Variants in HPSE2 observed in about 807,000 individuals in gnomAD.
HPSE2 encodes the protein heparanase 2 (inactive), also known as inactive heparanase-2.
A neutral mutation model predicts 60.5 loss-of-function variants in HPSE2; 38 were observed. The ratio of observed to expected loss-of-function variants is 0.63; its 90% confidence interval spans 0.48 to 0.82. HPSE2 has a LOEUF of 0.82. HPSE2 is among the 40% of genes least tolerant of loss of function. HPSE2 has a pLI of 0.00. For missense variants in HPSE2, 713 were observed against 740.4 expected (o/e 0.96, Z 0.43); for synonymous variants, 295 against 293.2 (o/e 1.01, Z -0.06).
intron 9 of HPSE2, among the ~76,000 whole-genome samples, chr10:98,568,580 A>T (rs562259): frequency 2.0e-5 from 3 of 152,224 alleles, no homozygotes; most frequent in Admixed American, 6.5e-5. Context: ...GGGCTTCTGG[A>T]AGAAGTGTGG....
Position 98,458,991 on chromosome 10 carries a change from A to C in HPSE2, c.*583T>G. ...GGAACCCAGATGCGCACGCTCATACATCAGCCGGGAAATCATACAAACAGC... is the reference window on the plus strand; with the variant it reads ...GGAACCCAGATGCGCACGCTCATACCTCAGCCGGGAAATCATACAAACAGC... On this transcript the variant is annotated 3_prime_UTR_variant, in exon 12 of 12. Coordinates refer to ENST00000370552, the MANE Select transcript of HPSE2 (RefSeq NM_021828.5). 5.9e-6 allele frequency: 1 copy of C among 169,164 alleles called. No individual in the cohort carries two copies. The highest frequency in any genetic ancestry group is 1.5e-4 in the East Asian group (1 of 6,530). The allele number at this position is 169,164 out of a possible 1,614,324, so 10.5% of individuals were successfully genotyped here.
At chr10:98,522,760 G>A (rs976286916) in intron 9 of HPSE2, among the ~76,000 whole-genome samples, 4 of 152,242 alleles carry the variant, frequency 2.6e-5, no homozygotes, top group Admixed American at 6.5e-5. Flanking sequence ...TTACAGGCGT[G>A]AGCCACCGTG....
intron 3 of HPSE2, among the ~76,000 whole-genome samples, chr10:99,047,063 T>A (rs1323823198): frequency 6.6e-6 from 1 of 152,100 alleles, no homozygotes. Flanking sequence ...CTACCCAACT[T>A]CAAATGATAT....
At chr10:99,282,791 GAA>G in the HPSE2 span, among the ~76,000 whole-genome samples, 1 of 152,054 alleles carries the variant, frequency 6.6e-6, no homozygotes, top group African/African-American at 2.4e-5. Context: ...GGGAAACTTG[GAA>G]ATACACTGCG....
chr10:99,227,869 ATGTGTGTGTG>A (rs34836739), intron 2 of HPSE2, among the ~76,000 whole-genome samples: 13 of 142,416 alleles, frequency 9.1e-5, no homozygotes, highest in African/African-American at 3.3e-4. Flanking sequence ...ATGTGTATAT[ATGTGTGTGTG>A]TGTGTGTGTG....
intron 3 of HPSE2, among the ~76,000 whole-genome samples, chr10:99,021,191 A>G (rs1388363783): frequency 6.6e-6 from 1 of 152,226 alleles, no homozygotes; most frequent in East Asian, 1.9e-4. Context: ...TACTTAATGC[A>G]TAAATGGTGT....
At chr10:99,200,867 T>A in intron 2 of HPSE2, among the ~76,000 whole-genome samples, 1 of 152,166 alleles carries the variant, frequency 6.6e-6, no homozygotes, top group East Asian at 1.9e-4. Flanking sequence ...TTTAGCTGTA[T>A]AAGAAGGTAT....
intron 3 of HPSE2, among the ~76,000 whole-genome samples, chr10:99,092,649 T>A (rs1245031338): frequency 6.6e-6 from 1 of 152,094 alleles, no homozygotes; most frequent in Non-Finnish European, 1.5e-5. Flanking sequence ...CCTAACTGAG[T>A]TTTGGAGTAA....
At chr10:99,058,432 G>A (rs1301712507) in intron 3 of HPSE2, among the ~76,000 whole-genome samples, 4 of 152,060 alleles carry the variant, frequency 2.6e-5, no homozygotes, top group Admixed American at 6.6e-5. Context: ...ACCCCTAAAC[G>A]TTTCCTGTAC....
At chr10:98,606,711 T>A (rs570968355) in intron 9 of HPSE2, among the ~76,000 whole-genome samples, 138 of 152,260 alleles carry the variant, frequency 9.1e-4, no homozygotes, top group African/African-American at 2.6e-3. Flanking sequence ...CAGATTTTTT[T>A]AAAAAAATGT....
At chr10:99,151,463 T>C (rs1201682157) in intron 2 of HPSE2, among the ~76,000 whole-genome samples, 1 of 152,026 alleles carries the variant, frequency 6.6e-6, no homozygotes, top group Non-Finnish European at 1.5e-5. Context: ...CAAAATTTGA[T>C]AAAAATCATT....
chr10:99,252,721 C>CA, the HPSE2 span, among the ~76,000 whole-genome samples: 1 of 151,436 alleles, frequency 6.6e-6, no homozygotes, highest in Non-Finnish European at 1.5e-5. Context: ...CTAAAAAATA[C>CA]AAAAAATTAG....
At chr10:98,538,965 C>A (rs1392455372) in intron 9 of HPSE2, among the ~76,000 whole-genome samples, 1 of 152,148 alleles carries the variant, frequency 6.6e-6, no homozygotes, top group East Asian at 1.9e-4. Flanking sequence ...CACATCTTGT[C>A]TAAATTGTCC....
chr10:98,670,454 T>C (rs1158655506), intron 6 of HPSE2, among the ~76,000 whole-genome samples: 1 of 152,200 alleles, frequency 6.6e-6, no homozygotes, highest in Non-Finnish European at 1.5e-5. Flanking sequence ...TTGGGAATAT[T>C]TGCATTTATA....
intron 3 of HPSE2, among the ~76,000 whole-genome samples, chr10:98,891,830 C>A (rs1189382751): frequency 1.3e-5 from 2 of 152,124 alleles, no homozygotes; most frequent in Non-Finnish European, 1.5e-5. Context: ...AGTGCAGTGG[C>A]ATGATCTTGG....
intron 2 of HPSE2, among the ~76,000 whole-genome samples, chr10:99,168,417 A>G (rs967403548): frequency 3.3e-5 from 5 of 152,210 alleles, no homozygotes; most frequent in Non-Finnish European, 5.9e-5. Context: ...TTCAATTCAG[A>G]AACTTTGGTG....
intron 3 of HPSE2, among the ~76,000 whole-genome samples, chr10:98,805,771 A>T (rs1158373146): frequency 6.6e-6 from 1 of 152,170 alleles, no homozygotes; most frequent in African/African-American, 2.4e-5. Flanking sequence ...TCATTTATGA[A>T]TTGTAATTAA....
chr10:98,824,375 T>C (rs1951494125), intron 3 of HPSE2, among the ~76,000 whole-genome samples: 1 of 152,252 alleles, frequency 6.6e-6, no homozygotes, highest in Admixed American at 6.5e-5. Flanking sequence ...TCACTAATAC[T>C]GTGTGCACTT....
chr10:99,241,501 A>T, the HPSE2 span, among the ~76,000 whole-genome samples: 1 of 152,244 alleles, frequency 6.6e-6, no homozygotes, highest in African/African-American at 2.4e-5. Flanking sequence ...GGCTCATGCT[A>T]ATCCCAGCAC....
Sources: allele counts gnomAD v4.1 joint callset (sites outside exome capture counted in the v4.1 genomes callset), GRCh38; gene constraint gnomAD v4.1.1; transcripts MANE v1.5; gene names NCBI Gene and HGNC (gene_info 2026-07-23, HGNC 2026-07-21).